LRP1B: variants seen among roughly 807,000 people sequenced by gnomAD.
The protein encoded by LRP1B is LDL receptor related protein 1B.
Under a neutral mutation model 556.6 loss-of-function variants are expected in LRP1B, and 217 were observed. The observed-to-expected ratio is 0.39, with a 90% confidence interval of 0.35 to 0.44. LRP1B has a LOEUF of 0.44. LRP1B is among the 20% of genes least tolerant of loss of function. The probability of loss-of-function intolerance (pLI) is 1.00; values close to 1 mark genes in which losing one functional copy is unlikely to be tolerated. For synonymous variants in LRP1B, 2,047 were observed against 1,865.8 expected (o/e 1.10, Z -2.50); for missense variants, 5,053 against 5,620.8 (o/e 0.90, Z 3.23).
intron 7 of LRP1B, among the ~76,000 whole-genome samples, chr2:141,153,645 T>G (rs1209983362): frequency 7.0e-6 from 1 of 142,402 alleles, no homozygotes; most frequent in Non-Finnish European, 1.5e-5. Flanking sequence ...TATATTTATA[T>G]AGCTTTACAT....
chr2:140,775,954 A>G, intron 33 of LRP1B, 144 bp downstream of exon 33: 2 of 633,040 alleles, frequency 3.2e-6, no homozygotes, highest in Non-Finnish European at 5.1e-6. Context: ...CATTTCTCCT[A>G]CAGTAGTAAG....
In LRP1B at chr2:140,518,074, G is replaced by A. The variant is rs529322414; in HGVS notation, c.8027-1063C>T. Among the ~76,000 whole-genome samples the A allele has an allele frequency of 2.0e-5, 3 of 152,118 alleles. No individual in the cohort carries two copies. In the East Asian group the frequency reaches 5.8e-4, roughly 29 times the overall value. On this transcript the variant is annotated intron_variant, in intron 49 of 90. Transcript: ENST00000389484. ...CCTTCAGGTTTACATGATTTTACAT[G>A]TTTGATCTATAGCCAAGCAGGAAGT...
chr2:140,384,772 G>A (rs916271126), intron 67 of LRP1B, among the ~76,000 whole-genome samples: 7 of 152,070 alleles, frequency 4.6e-5, no homozygotes, highest in African/African-American at 7.2e-5. Flanking sequence ...TGCGTCTGGG[G>A]AAATGAATGC....
chr2:141,287,409 G>A (rs889923506), intron 3 of LRP1B, among the ~76,000 whole-genome samples: 6 of 150,554 alleles, frequency 4.0e-5, no homozygotes, highest in African/African-American at 7.3e-5. Flanking sequence ...TGCAAGCTCC[G>A]CCTCCTGGGT....
chr2:141,232,265 T>C (rs1281551210), intron 5 of LRP1B, among the ~76,000 whole-genome samples: 2 of 152,206 alleles, frequency 1.3e-5, no homozygotes, highest in Non-Finnish European at 2.9e-5. Context: ...CAGGTGATAG[T>C]AAAATCTTAG....
intron 22 of LRP1B, 50 bp downstream of exon 22, chr2:140,907,827 A>G (rs1437566693): frequency 5.3e-6 from 8 of 1,516,094 alleles, no homozygotes; most frequent in Non-Finnish European, 9.2e-7. Context: ...CAACTGAACT[A>G]AAAGGTTGTA....
Position 141,108,340 on chromosome 2 carries a change from T to A in LRP1B, c.1014-46067A>T, listed in dbSNP as rs1487535090. Reference sequence around the variant, plus strand: ...ATATGTTTATAATCTGTTTCTTTTTTTTTTTTTTTTTTTTTTTTTTTTTTT... The same window carrying A: ...ATATGTTTATAATCTGTTTCTTTTTATTTTTTTTTTTTTTTTTTTTTTTTT... On this transcript the variant is annotated intron_variant, in intron 7 of 90. Transcript: ENST00000389484. 3.1e-3 allele frequency among the ~76,000 whole-genome samples: 339 copies of A among 110,902 alleles called. 9 individuals are homozygous for A. Among genetic ancestry groups the A allele is most frequent in the Non-Finnish European group, 3.1e-3 (163 of 52,830 alleles). The allele number at this position is 110,902 out of a possible 152,430, so 72.8% of individuals were successfully genotyped here.
intron 2 of LRP1B, among the ~76,000 whole-genome samples, chr2:141,722,668 CTTTTA>C (rs1692866608): frequency 6.6e-6 from 1 of 151,886 alleles, no homozygotes. Context: ...TCAAGTTAAC[CTTTTA>C]TTTTTTCACA....
chr2:142,043,017 C>T, intron 1 of LRP1B, among the ~76,000 whole-genome samples: 1 of 151,464 alleles, frequency 6.6e-6, no homozygotes, highest in East Asian at 1.9e-4. Flanking sequence ...TCCAGGGACA[C>T]CATTGTTTTA....
intron 2 of LRP1B, among the ~76,000 whole-genome samples, chr2:141,631,334 T>G (rs111993406): frequency 2.0e-5 from 3 of 152,106 alleles, no homozygotes; most frequent in African/African-American, 7.2e-5. Flanking sequence ...CAAGATGAGA[T>G]TTGGGTGGGG....
chr2:141,978,281 T>C (rs911244418), intron 1 of LRP1B, among the ~76,000 whole-genome samples: 1 of 152,078 alleles, frequency 6.6e-6, no homozygotes, highest in African/African-American at 2.4e-5. Flanking sequence ...AATGTGATTT[T>C]GCTCATCAAT....
intron 46 of LRP1B, 98 bp downstream of exon 46, chr2:140,536,482 TA>T: frequency 8.5e-7 from 1 of 1,177,420 alleles, no homozygotes; most frequent in Non-Finnish European, 1.2e-6. Context: ...AGACATTAAA[TA>T]AATTATCCAC....
At chr2:141,038,489 A>G (rs960212878) in intron 11 of LRP1B, among the ~76,000 whole-genome samples, 2 of 152,124 alleles carry the variant, frequency 1.3e-5, no homozygotes, top group South Asian at 2.1e-4. Flanking sequence ...AGGTAAAAAT[A>G]AAGTTATGCC....
chr2:140,248,580 C>T (rs1681270099), intron 86 of LRP1B, among the ~76,000 whole-genome samples: 1 of 151,494 alleles, frequency 6.6e-6, no homozygotes, highest in African/African-American at 2.4e-5. Context: ...AAGTCTACGA[C>T]TCTTGTCTGT....
chr2:141,323,390 C>T (rs568390868), intron 3 of LRP1B, among the ~76,000 whole-genome samples: 10 of 152,190 alleles, frequency 6.6e-5, no homozygotes, highest in South Asian at 2.1e-4. Context: ...AATGATCCAA[C>T]GATCTACTTT....
chr2:141,645,065 T>C (rs1689502453), intron 2 of LRP1B, among the ~76,000 whole-genome samples: 2 of 152,054 alleles, frequency 1.3e-5, no homozygotes, highest in Admixed American at 1.3e-4. Flanking sequence ...CTAATAAATA[T>C]GTGGTCTTTT....
intron 32 of LRP1B, among the ~76,000 whole-genome samples, chr2:140,777,742 T>C (rs1220109803): frequency 2.0e-5 from 3 of 152,140 alleles, no homozygotes; most frequent in Admixed American, 6.5e-5. Flanking sequence ...CTAGTACATA[T>C]ACCCCTCAAG....
chr2:141,930,994 G>A (rs1700484932), intron 1 of LRP1B, among the ~76,000 whole-genome samples: 1 of 151,968 alleles, frequency 6.6e-6, no homozygotes, highest in Non-Finnish European at 1.5e-5. Context: ...GAGCTGTTCA[G>A]CATGCTGATT....
chr2:141,962,912 T>G (rs1203566557), intron 1 of LRP1B, among the ~76,000 whole-genome samples: 1 of 151,844 alleles, frequency 6.6e-6, no homozygotes, highest in African/African-American at 2.4e-5. Context: ...TATGCATTTT[T>G]CATACTCTTT....
Sources: allele counts gnomAD v4.1 joint callset (sites outside exome capture counted in the v4.1 genomes callset), GRCh38; gene constraint gnomAD v4.1.1; transcripts MANE v1.5; gene names NCBI Gene and HGNC (gene_info 2026-07-23, HGNC 2026-07-21).